TENM3: variants seen among roughly 807,000 people sequenced by gnomAD.
TENM3 encodes teneurin-3.
TENM3 carries 63 observed loss-of-function variants against 255.1 expected under a neutral mutation model. The ratio of observed to expected loss-of-function variants is 0.25; its 90% CI spans 0.20 to 0.30. The LOEUF (loss-of-function observed/expected upper bound fraction) is 0.30, where lower values mean the gene tolerates loss of function less well. Among genes scored for constraint, TENM3 ranks in the 10% least tolerant of loss-of-function variants. The pLI, the probability that TENM3 is intolerant of heterozygous loss-of-function variation, is 1.00. For synonymous variants in TENM3, 1,306 were observed against 1,322.3 expected, an observed-to-expected ratio of 0.99 and a Z score of 0.27; for missense variants, 2,929 against 3,461.1, an observed-to-expected ratio of 0.85 and a Z score of 3.86.
At chr4:181,820,588 G>A in the TENM3 span, among the ~76,000 whole-genome samples, 2 of 151,974 alleles carry the variant, frequency 1.3e-5, no homozygotes, top group Admixed American at 6.6e-5. Context: ...ACCATGTGCC[G>A]TGGCTCACAA....
intron 3 of TENM3, among the ~76,000 whole-genome samples, chr4:182,531,615 G>T (rs11730298): frequency 0.48 from 72,793 of 152,016 alleles, 17,635 homozygotes; most frequent in East Asian, 0.55. Flanking sequence ...CATGTGGGGT[G>T]AAGTCTGCAG....
intron 24 of TENM3, among the ~76,000 whole-genome samples, chr4:182,785,859 C>T (rs184083033): frequency 3.5e-3 from 531 of 151,674 alleles, no homozygotes; most frequent in Non-Finnish European, 5.4e-3. Context: ...ACGCAGGTGC[C>T]CCTTGTCTGT....
chr4:181,909,093 T>A, the TENM3 span, among the ~76,000 whole-genome samples: 2 of 152,224 alleles, frequency 1.3e-5, no homozygotes, highest in Non-Finnish European at 2.9e-5. Context: ...TACTGGCACC[T>A]AGAAGAATTT....
At chr4:181,991,094 C>T in the TENM3 span, among the ~76,000 whole-genome samples, 2 of 151,890 alleles carry the variant, frequency 1.3e-5, no homozygotes, top group African/African-American at 4.8e-5. Context: ...CTACATTAAG[C>T]GTGAATTACT....
intron 5 of TENM3, among the ~76,000 whole-genome samples, chr4:182,652,316 T>C (rs1344641241): frequency 6.6e-6 from 1 of 152,124 alleles, no homozygotes; most frequent in Non-Finnish European, 1.5e-5. Flanking sequence ...GGGAGAAGCA[T>C]TGCAGACAGA....
At chr4:182,794,898 A>T (rs895318217) in intron 26 of TENM3, among the ~76,000 whole-genome samples, 3 of 151,864 alleles carry the variant, frequency 2.0e-5, no homozygotes, top group Non-Finnish European at 4.4e-5. Context: ...CACCATCATT[A>T]ACCCCTCTAC....
chr4:181,451,949 G>T, the TENM3 span, among the ~76,000 whole-genome samples: 4 of 152,080 alleles, frequency 2.6e-5, no homozygotes, highest in African/African-American at 9.7e-5. Context: ...CAACCTGAGG[G>T]ACTTGGAGGA....
the TENM3 span, among the ~76,000 whole-genome samples, chr4:181,797,498 A>G: frequency 6.6e-6 from 1 of 152,274 alleles, no homozygotes; most frequent in Non-Finnish European, 1.5e-5. Context: ...TCAGTCCTTC[A>G]GCAAAACATA....
chr4:181,492,897 T>C, the TENM3 span, among the ~76,000 whole-genome samples: 3 of 152,206 alleles, frequency 2.0e-5, no homozygotes, highest in Non-Finnish European at 4.4e-5. Context: ...TAATTCTATG[T>C]ATGCCAATAA....
the TENM3 span, among the ~76,000 whole-genome samples, chr4:181,485,488 T>TAA: frequency 2.1e-4 from 31 of 147,374 alleles, no homozygotes; most frequent in African/African-American, 7.8e-4. Context: ...AAGATTTTTT[T>TAA]TAAAAAAAAG....
At chr4:182,272,872 G>A (rs1759737070) in intron 1 of TENM3, among the ~76,000 whole-genome samples, 1 of 152,148 alleles carries the variant, frequency 6.6e-6, no homozygotes, top group Non-Finnish European at 1.5e-5. Flanking sequence ...GAGTGAGATG[G>A]TTTCCTTCAG....
the TENM3 span, among the ~76,000 whole-genome samples, chr4:181,507,709 G>C: frequency 6.6e-6 from 1 of 152,166 alleles, no homozygotes; most frequent in Admixed American, 6.5e-5. Flanking sequence ...CTTGAATAGC[G>C]GTGAAACAGA....
chr4:181,929,733 T>C, the TENM3 span, among the ~76,000 whole-genome samples: 1 of 152,192 alleles, frequency 6.6e-6, no homozygotes, highest in Non-Finnish European at 1.5e-5. Flanking sequence ...TATACATTCT[T>C]CTCAGCACCA....
intron 3 of TENM3, among the ~76,000 whole-genome samples, chr4:182,400,849 G>A (rs1429930301): frequency 6.6e-6 from 1 of 152,102 alleles, no homozygotes; most frequent in East Asian, 1.9e-4. Context: ...GATTATGTAG[G>A]AATATCCTGT....
the TENM3 span, among the ~76,000 whole-genome samples, chr4:181,781,684 C>A: frequency 6.6e-6 from 1 of 152,140 alleles, no homozygotes; most frequent in African/African-American, 2.4e-5. Context: ...AGAGGGCATC[C>A]CTGTCTTGTG....
the TENM3 span, among the ~76,000 whole-genome samples, chr4:181,448,229 C>G: frequency 8.6e-5 from 11 of 127,468 alleles, 1 homozygote; most frequent in South Asian, 2.7e-4. Flanking sequence ...TGCAGTGGCG[C>G]GATCTCGGCT....
chr4:181,469,211 T>C, the TENM3 span, among the ~76,000 whole-genome samples: 2 of 152,200 alleles, frequency 1.3e-5, no homozygotes, highest in Non-Finnish European at 2.9e-5. Context: ...GAGTACAATA[T>C]AATCTTGGTC....
At chr4:182,487,114 TG>T in intron 3 of TENM3, among the ~76,000 whole-genome samples, 1 of 152,160 alleles carries the variant, frequency 6.6e-6, no homozygotes, top group Non-Finnish European at 1.5e-5. Context: ...TTCTTGCACG[TG>T]GTTTCTAGAA....
At chr4:182,786,178 C>T (rs1000346276) in intron 24 of TENM3, among the ~76,000 whole-genome samples, 1 of 152,028 alleles carries the variant, frequency 6.6e-6, no homozygotes, top group Non-Finnish European at 1.5e-5. Context: ...GGTGCTTGTC[C>T]AAGGCACGCA....
Sources: gnomAD v4.1 joint callset for allele counts (sites outside exome capture counted in the v4.1 genomes callset) on GRCh38, gnomAD v4.1.1 for gene constraint, MANE v1.5 for transcripts, NCBI Gene and HGNC (gene_info 2026-07-23, HGNC 2026-07-21) for gene names.